The following AUTS2 variants were observed in gnomAD, a reference collection of about 807,000 sequenced individuals.
The protein encoded by AUTS2 is activator of transcription and developmental regulator AUTS2, also known as autism susceptibility gene 2 protein.
AUTS2 carries 17 observed loss-of-function variants against 112.4 expected under a neutral mutation model. That is an observed-to-expected ratio of 0.15 (90% CI 0.10 to 0.23). AUTS2 has a LOEUF of 0.23. AUTS2 is among the 10% of genes least tolerant of loss of function. The pLI, the probability that AUTS2 is intolerant of heterozygous loss-of-function variation, is 1.00. For synonymous variants in AUTS2, 751 were observed against 702.7 expected, an observed-to-expected ratio of 1.07 and a Z score of -1.09; for missense variants, 1,510 against 1,701.6, an observed-to-expected ratio of 0.89 and a Z score of 1.98.
intron 2 of AUTS2, among the ~76,000 whole-genome samples, chr7:70,045,458 A>G (rs1801458691): frequency 6.6e-6 from 1 of 152,040 alleles, no homozygotes; most frequent in South Asian, 2.1e-4. Context: ...TTTTAGATAC[A>G]TTGGGTTACA....
intron 1 of AUTS2, among the ~76,000 whole-genome samples, chr7:69,769,066 G>A (rs765418367): frequency 6.6e-6 from 1 of 152,188 alleles, no homozygotes; most frequent in Non-Finnish European, 1.5e-5. Context: ...CTGACACAGG[G>A]ATCAAAACAT....
intron 2 of AUTS2, among the ~76,000 whole-genome samples, chr7:70,021,514 C>T (rs761914005): frequency 5.9e-5 from 9 of 152,094 alleles, no homozygotes; most frequent in African/African-American, 1.9e-4. Flanking sequence ...ATTCATCACT[C>T]CTAAAACTTT....
At chr7:70,140,166 T>C (rs1806782391) in intron 4 of AUTS2, among the ~76,000 whole-genome samples, 1 of 152,210 alleles carries the variant, frequency 6.6e-6, no homozygotes, top group Non-Finnish European at 1.5e-5. Context: ...AGTGGCTAGA[T>C]AGGATCAGAT....
intron 1 of AUTS2, among the ~76,000 whole-genome samples, chr7:69,841,469 G>T (rs1474134857): frequency 6.6e-6 from 1 of 152,146 alleles, no homozygotes; most frequent in Non-Finnish European, 1.5e-5. Context: ...CCCACCACCA[G>T]CATTGGGGAT....
intron 1 of AUTS2, among the ~76,000 whole-genome samples, chr7:69,783,943 C>T (rs983183965): frequency 6.6e-6 from 1 of 152,142 alleles, no homozygotes; most frequent in Admixed American, 6.5e-5. Flanking sequence ...GCTTCAAATT[C>T]TCTGCCTGGA....
In AUTS2 at chr7:70,337,890, T is replaced by G. The variant is rs115957812; in HGVS notation, c.661-97862T>G. On this transcript the variant is annotated intron_variant, in intron 4 of 18. Transcript: ENST00000342771. ...CTGTTGTTGGAAGCTATGATTCTTTTCCACAATGGGCTTGCAGTGTAGTGT... is the reference window on the plus strand; with the variant it reads ...CTGTTGTTGGAAGCTATGATTCTTTGCCACAATGGGCTTGCAGTGTAGTGT... 4.9e-3 allele frequency among the ~76,000 whole-genome samples: 741 copies of G among 152,348 alleles called. 8 individuals are homozygous for G. The highest frequency in any genetic ancestry group is 0.017 in the African/African-American group (701 of 41,582).
At chr7:69,922,063 TCAAAAAA>T (rs1006296957) in intron 2 of AUTS2, among the ~76,000 whole-genome samples, 2 of 150,016 alleles carry the variant, frequency 1.3e-5, no homozygotes, top group African/African-American at 2.4e-5. Flanking sequence ...AAACTCTGTC[TCAAAAAA>T]AGAAAAAAGA....
intron 4 of AUTS2, among the ~76,000 whole-genome samples, chr7:70,242,969 T>C (rs892631996): frequency 3.9e-5 from 6 of 152,198 alleles, no homozygotes; most frequent in Admixed American, 2.0e-4. Context: ...GTAGGCCGCC[T>C]ACTGCCTTCC....
chr7:70,528,633 CG>C (rs35693817), intron 5 of AUTS2, among the ~76,000 whole-genome samples: 37,267 of 151,662 alleles, frequency 0.25, 4,725 homozygotes, highest in Middle Eastern at 0.36. Context: ...CATCTAGTGC[CG>C]GGCACAGTGG....
At chr7:69,707,378 T>C (rs1388110510) in intron 1 of AUTS2, among the ~76,000 whole-genome samples, 7 of 152,218 alleles carry the variant, frequency 4.6e-5, no homozygotes, top group Non-Finnish European at 7.3e-5. Flanking sequence ...ATATAGCAAG[T>C]ACCTAGCTTA....
chr7:69,669,260 T>G (rs1375518177), intron 1 of AUTS2, among the ~76,000 whole-genome samples: 1 of 152,102 alleles, frequency 6.6e-6, no homozygotes, highest in Non-Finnish European at 1.5e-5. Context: ...TCCCAGTGTT[T>G]TGGGGACAAA....
chr7:70,751,097 G>A (rs898969043), intron 6 of AUTS2, among the ~76,000 whole-genome samples: 2 of 152,120 alleles, frequency 1.3e-5, no homozygotes, highest in African/African-American at 4.8e-5. Context: ...CCCCAAAATC[G>A]TTGATGACAT....
intron 4 of AUTS2, among the ~76,000 whole-genome samples, chr7:70,143,669 A>G (rs1205373723): frequency 1.3e-5 from 2 of 152,196 alleles, no homozygotes; most frequent in East Asian, 1.9e-4. Flanking sequence ...TTCGGTCTCC[A>G]TTGGCGACTC....
At chr7:69,668,807 A>G (rs778860698) in intron 1 of AUTS2, among the ~76,000 whole-genome samples, 1 of 152,222 alleles carries the variant, frequency 6.6e-6, no homozygotes, top group Admixed American at 6.5e-5. Context: ...AACCAAAATC[A>G]TGTTCTACTA....
At chr7:69,786,642 G>T (rs1789390885) in intron 1 of AUTS2, among the ~76,000 whole-genome samples, 1 of 152,168 alleles carries the variant, frequency 6.6e-6, no homozygotes, top group Non-Finnish European at 1.5e-5. Flanking sequence ...CATTCTTGAA[G>T]TCAGCGAGAT....
intron 2 of AUTS2, among the ~76,000 whole-genome samples, chr7:69,920,501 G>T (rs576185313): frequency 3.9e-4 from 59 of 152,158 alleles, no homozygotes; most frequent in African/African-American, 1.4e-3. Flanking sequence ...TCCCAGGCTT[G>T]TCTCAAACTC....
At chr7:70,485,254 G>T (rs1212957672) in intron 5 of AUTS2, among the ~76,000 whole-genome samples, 1 of 152,110 alleles carries the variant, frequency 6.6e-6, no homozygotes, top group Non-Finnish European at 1.5e-5. Flanking sequence ...TCAACAAGTG[G>T]ATAAAGAAAA....
At chr7:70,244,256 G>C (rs1466318544) in intron 4 of AUTS2, among the ~76,000 whole-genome samples, 1 of 151,990 alleles carries the variant, frequency 6.6e-6, no homozygotes, top group East Asian at 1.9e-4. Context: ...TATTACTGTA[G>C]ATGTTATATT....
At chr7:70,301,273 A>G in intron 4 of AUTS2, among the ~76,000 whole-genome samples, 1 of 152,122 alleles carries the variant, frequency 6.6e-6, no homozygotes, top group East Asian at 1.9e-4. Context: ...TAAATGAGGG[A>G]TTCATATATA....
Sources: gnomAD v4.1 joint callset for allele counts (sites outside exome capture counted in the v4.1 genomes callset) on GRCh38, gnomAD v4.1.1 for gene constraint, MANE v1.5 for transcripts, NCBI Gene and HGNC (gene_info 2026-07-23, HGNC 2026-07-21) for gene names.